The following HIVEP1 variants were observed in gnomAD, a reference collection of about 807,000 sequenced individuals.
The protein encoded by HIVEP1 is zinc finger protein 40.
In HIVEP1, 36 loss-of-function variants were observed where a neutral mutation model predicts 180.0. That is an observed-to-expected ratio of 0.20 (90% confidence interval 0.15 to 0.26). The LOEUF (loss-of-function observed/expected upper bound fraction) is 0.26. Ranked by LOEUF, HIVEP1 falls within the 10% of genes least tolerant of loss-of-function variation. The pLI is 1.00. For synonymous variants in HIVEP1, 1,239 were observed against 1,239.0 expected, an observed-to-expected ratio of 1.00 and a Z score of 0.00; for missense variants, 3,143 against 3,268.7, an observed-to-expected ratio of 0.96 and a Z score of 0.94.
chr6:12,125,544 G>T lies in HIVEP1; in HGVS notation c.5749G>T (p.Val1917Phe), dbSNP rs1758014019. Reference sequence around the variant, plus strand: ...CATCCAAGAGCAAAGTCAACAGCCAGTCACTTCTCTTTCATTGTTTAACAT... The same window carrying T: ...CATCCAAGAGCAAAGTCAACAGCCATTCACTTCTCTTTCATTGTTTAACAT... ...VNIQEQSQQP[V>F]TSLSLFNIKD... Residue 1917 changes from valine to phenylalanine, a missense_variant, in exon 4 of 9, where the codon GTC becomes TTC. Physicochemically the swap from Val to Phe is conservative, Grantham distance 50 (BLOSUM62 -1). Coordinates refer to ENST00000379388, the MANE Select transcript of HIVEP1 (RefSeq NM_002114.4). 30 of 1,614,170 alleles carry T rather than the reference G, an allele frequency of 1.9e-5. No homozygotes were observed. Among genetic ancestry groups the T allele is most frequent in the Non-Finnish European group, 2.5e-5 (30 of 1,180,020 alleles).
the HIVEP1 span, among the ~76,000 whole-genome samples, chr6:12,205,242 C>T: frequency 2.9e-3 from 443 of 152,202 alleles, 4 homozygotes; most frequent in African/African-American, 1.0e-2. Context: ...GAGGCCAAGG[C>T]GGGTGGATCT....
the HIVEP1 span, among the ~76,000 whole-genome samples, chr6:12,186,358 A>G: frequency 6.6e-6 from 1 of 151,758 alleles, no homozygotes; most frequent in African/African-American, 2.4e-5. Flanking sequence ...TTAAATATAT[A>G]TGCAATGTCT....
chr6:12,027,009 A>T (rs1378703437), intron 2 of HIVEP1, among the ~76,000 whole-genome samples: 1 of 152,242 alleles, frequency 6.6e-6, no homozygotes, highest in Admixed American at 6.5e-5. Flanking sequence ...TTTTGTAAAT[A>T]AAGTTTTATA....
chr6:12,049,797 C>G (rs181154180), intron 2 of HIVEP1, among the ~76,000 whole-genome samples: 1 of 152,048 alleles, frequency 6.6e-6, no homozygotes, highest in East Asian at 1.9e-4. Flanking sequence ...CTCGTATGCT[C>G]TATTTGGGAT....
intron 2 of HIVEP1, among the ~76,000 whole-genome samples, chr6:12,022,168 C>T (rs951883814): frequency 6.6e-6 from 1 of 151,636 alleles, no homozygotes; most frequent in Non-Finnish European, 1.5e-5. Context: ...TTTTACTTCA[C>T]ATACAGGATT....
At chr6:12,157,382 T>A (rs1470022150) in intron 7 of HIVEP1, among the ~76,000 whole-genome samples, 1 of 152,180 alleles carries the variant, frequency 6.6e-6, no homozygotes. Flanking sequence ...CATTTTTGGG[T>A]TTCAGTTTTC....
At chr6:12,078,752 G>C (rs1437457858) in intron 2 of HIVEP1, among the ~76,000 whole-genome samples, 1 of 121,636 alleles carries the variant, frequency 8.2e-6, no homozygotes, top group Non-Finnish European at 2.1e-5. Flanking sequence ...TGTTATAGGG[G>C]AAAATGGATG....
chr6:12,211,501 C>T, the HIVEP1 span, among the ~76,000 whole-genome samples: 1 of 32,876 alleles, frequency 3.0e-5, no homozygotes, highest in Non-Finnish European at 5.6e-5. Context: ...ACACACACAC[C>T]CACACAACAT....
intron 2 of HIVEP1, among the ~76,000 whole-genome samples, chr6:12,033,827 A>C (rs923104036): frequency 6.6e-6 from 1 of 152,242 alleles, no homozygotes; most frequent in Non-Finnish European, 1.5e-5. Flanking sequence ...CCTGAAGAGT[A>C]CATTTGTTGT....
chr6:12,119,844 A>G (rs778925903), intron 3 of HIVEP1, 46 bp from the exon 4 acceptor site: 189 of 1,224,612 alleles, frequency 1.5e-4, no homozygotes, highest in Non-Finnish European at 2.1e-4. Flanking sequence ...TAGTTGGTGT[A>G]TGTACAATGT....
At position 12,015,680 on chromosome 6, in the gene HIVEP1, C is replaced by T; in HGVS notation, c.40+12C>T. 1.2e-6 allele frequency: 2 copies of T among 1,610,076 alleles called. No homozygotes were observed. Among genetic ancestry groups the T allele is most frequent in the Non-Finnish European group, 1.7e-6 (2 of 1,177,060 alleles). ...CAGAAATCTAAGAGGTAAAGCATTG[C>T]ATTAAGTAGAAGTAAGGCTTGCTGT... On this transcript the variant is annotated intron_variant, in intron 2 of 8. Coordinates refer to ENST00000379388, the MANE Select transcript of HIVEP1 (RefSeq NM_002114.4).
intron 4 of HIVEP1, 37 bp from the exon 5 acceptor site, chr6:12,129,722 G>C: frequency 6.5e-7 from 1 of 1,534,496 alleles, no homozygotes; most frequent in Non-Finnish European, 9.0e-7. Flanking sequence ...TGTGTTTTCA[G>C]TTTTATTAAA....
At chr6:12,109,163 A>T (rs4711564) in intron 3 of HIVEP1, among the ~76,000 whole-genome samples, 63,211 of 151,244 alleles carry the variant, frequency 0.42, 13,369 homozygotes, top group Non-Finnish European at 0.46. Context: ...AAATTTTTTT[A>T]AATTTTTTGT....
the HIVEP1 span, among the ~76,000 whole-genome samples, chr6:12,189,167 C>T: frequency 2.9e-4 from 44 of 151,696 alleles, no homozygotes; most frequent in South Asian, 6.4e-3. Flanking sequence ...ACTCCTTTCA[C>T]CAAAATAAAT....
chr6:12,163,712 G>A lies in HIVEP1; in HGVS notation c.7408G>A (p.Gly2470Ser), dbSNP rs371113214. 1.6e-5 allele frequency: 26 copies of A among 1,613,920 alleles called. No homozygotes were observed. The highest frequency in any genetic ancestry group is 1.6e-4 in the Middle Eastern group (1 of 6,084). ...CAGTGTTGTGCCATGTATTCCTATC[G>A]GCCAAATCCGCGTGCCAGGCCTTCA... Reference protein sequence around the residue: ...LSSVVPCIPIGQIRVPGLQNL... With the variant: ...LSSVVPCIPISQIRVPGLQNL... Residue 2470 changes from glycine to serine, a missense_variant, in exon 9 of 9, where the codon GGC (glycine) becomes AGC (serine). Gly to Ser is a moderately conservative substitution (Grantham distance 56). Transcript: ENST00000379388.
intron 2 of HIVEP1, among the ~76,000 whole-genome samples, chr6:12,075,272 C>T (rs369488729): frequency 2.0e-5 from 3 of 152,200 alleles, no homozygotes; most frequent in East Asian, 3.8e-4. Context: ...GGTCTTTGAC[C>T]CTATCTCCCA....
At position 12,163,995 on chromosome 6, in the gene HIVEP1, A is replaced by C; in HGVS notation, c.7691A>C (p.Asp2564Ala). The change falls in exon 9 of 9, where the codon GAT becomes GCT. Residue 2564 changes from aspartate to alanine, a missense_variant. By Grantham distance (126) the Asp-to-Ala change is moderately radical. Around this residue, in one of 12 missense-constraint regions of HIVEP1, gnomAD observed 595 missense variants for 602.2 expected, o/e 0.99. Coordinates refer to ENST00000379388, the MANE Select transcript of HIVEP1 (RefSeq NM_002114.4). Reference protein sequence around the residue: ...LIPSVSQVAVDAQGAPEMPAS... With the variant: ...LIPSVSQVAVAAQGAPEMPAS... The stretch of plus-strand genomic sequence containing the variant: ...CCCTCAGTCAGTCAAGTAGCCGTTG[A>C]TGCACAGGGAGCTCCAGAAATGCCA... The C allele has an allele frequency of 6.2e-7, 1 of 1,614,102 alleles. No homozygotes were observed. Among genetic ancestry groups the C allele is most frequent in the Non-Finnish European group, 8.5e-7 (1 of 1,180,016 alleles).
chr6:12,099,039 A>G (rs909206454), intron 3 of HIVEP1, among the ~76,000 whole-genome samples: 37 of 152,174 alleles, frequency 2.4e-4, no homozygotes, highest in African/African-American at 8.4e-4. Context: ...ACTTAAAAGC[A>G]TTGCAATGAA....
intron 7 of HIVEP1, among the ~76,000 whole-genome samples, chr6:12,140,470 A>G (rs4443504): frequency 0.19 from 29,116 of 152,206 alleles, 3,162 homozygotes; most frequent in East Asian, 0.47. Flanking sequence ...CTCTTCCAAA[A>G]GATCGCAGCT....
Sources: allele counts gnomAD v4.1 joint callset (sites outside exome capture counted in the v4.1 genomes callset), GRCh38; gene constraint gnomAD v4.1.1; regional missense constraint gnomAD v4.1.1; transcripts MANE v1.5; gene names NCBI Gene and HGNC (gene_info 2026-07-23, HGNC 2026-07-21).